The following IQCH variants were observed in gnomAD, a reference collection of about 807,000 sequenced individuals.
The protein encoded by IQCH is IQ motif containing H.
IQCH carries 98 observed loss-of-function variants against 117.0 expected under a neutral mutation model. That is an observed-to-expected ratio of 0.84 (90% CI 0.71 to 0.99). The LOEUF (loss-of-function observed/expected upper bound fraction) is 0.99, where lower values mean the gene tolerates loss of function less well. IQCH is among the 50% of genes least tolerant of loss of function. The probability of loss-of-function intolerance (pLI) is 0.00; values close to 1 mark genes in which losing one functional copy is unlikely to be tolerated. For synonymous variants in IQCH, 412 were observed against 448.2 expected, an observed-to-expected ratio of 0.92 and a Z score of 1.02; for missense variants, 1,102 against 1,243.8, an observed-to-expected ratio of 0.89 and a Z score of 1.72.
chr15:67,415,884 A>C (rs1207831400), intron 14 of IQCH, among the ~76,000 whole-genome samples: 6 of 152,150 alleles, frequency 3.9e-5, no homozygotes, highest in Admixed American at 2.0e-4. Flanking sequence ...GAATAAAATC[A>C]AATCTAAAAA....
rs1366727098 is a variant in IQCH, at chr15:67,389,777, GTCTC to G, written c.1632+775_1632+778del. Among the ~76,000 whole-genome samples, 14 of 150,978 alleles carry G rather than the reference GTCTC, an allele frequency of 9.3e-5. No homozygotes were observed. The East Asian group carries it at 2.7e-3, about 30-fold the overall frequency. ...CAATTGAAATGCACCAAAGTCAACT[GTCTC>G]TCTATCGCCAACGTGATTGCATGCT... On this transcript the variant is annotated intron_variant, in intron 12 of 20. Coordinates refer to ENST00000335894, the MANE Select transcript of IQCH (RefSeq NM_001031715.3).
intron 12 of IQCH, among the ~76,000 whole-genome samples, chr15:67,389,242 G>C (rs1971204043): frequency 6.6e-6 from 1 of 152,130 alleles, no homozygotes; most frequent in Non-Finnish European, 1.5e-5. Flanking sequence ...CCAGTTACTA[G>C]GTGGTACCAT....
At chr15:67,485,073 T>G (rs2083439147) in intron 18 of IQCH, among the ~76,000 whole-genome samples, 1 of 152,162 alleles carries the variant, frequency 6.6e-6, no homozygotes, top group African/African-American at 2.4e-5. Flanking sequence ...AATGGGAACA[T>G]AATTTTAAAG....
intron 18 of IQCH, among the ~76,000 whole-genome samples, chr15:67,484,580 A>G (rs1381175060): frequency 6.6e-6 from 1 of 150,550 alleles, no homozygotes; most frequent in Non-Finnish European, 1.5e-5. Flanking sequence ...AATACAAAAA[A>G]AAAAAAAAAA....
chr15:67,292,007 G>A (rs1291116101), intron 4 of IQCH, among the ~76,000 whole-genome samples: 2 of 152,052 alleles, frequency 1.3e-5, no homozygotes, highest in Admixed American at 6.6e-5. Flanking sequence ...ACATTTTGAC[G>A]TATGGACTTT....
At position 67,395,377 on chromosome 15, in the gene IQCH, C is replaced by T. The variant is rs779851140; in HGVS notation, c.1719C>T (p.Ala573=). Residue 573 remains alanine (A), a synonymous_variant, in exon 13 of 21, where the codon GCC becomes GCT. Transcript: ENST00000335894. This position sits in a 1 kb window ranked among gnomAD's most constrained non-coding sequence, Gnocchi z 4.0. ...AAAATCTCATCCGAGGAACAGAGGC[C>T]TACATCGTCAGCGGGCTCCTCCACA... The part of the protein sequence containing the change: ...RIKNLIRGTE[A]YIVSGLLHRD... The T allele has an allele frequency of 1.8e-5, 29 of 1,614,066 alleles. No individual in the cohort carries two copies. Among genetic ancestry groups the T allele is most frequent in the Middle Eastern group, 1.7e-4 (1 of 6,058 alleles).
intron 4 of IQCH, among the ~76,000 whole-genome samples, chr15:67,288,311 C>T (rs1208631605): frequency 6.6e-6 from 1 of 152,052 alleles, no homozygotes; most frequent in African/African-American, 2.4e-5. Context: ...ATTTTTCTGT[C>T]TGGAAGATCT....
intron 6 of IQCH, among the ~76,000 whole-genome samples, chr15:67,355,451 G>A (rs933003642): frequency 1.3e-5 from 2 of 152,044 alleles, no homozygotes; most frequent in African/African-American, 2.4e-5. Flanking sequence ...TTAGCTGGGC[G>A]TGGTGGTGGG....
intron 8 of IQCH, among the ~76,000 whole-genome samples, chr15:67,362,509 A>C (rs763495238): frequency 1.7e-4 from 26 of 152,182 alleles, no homozygotes; most frequent in Non-Finnish European, 3.4e-4. Flanking sequence ...GTCATTTAGA[A>C]AACTGTAATT....
intron 4 of IQCH, among the ~76,000 whole-genome samples, chr15:67,319,095 C>T (rs533239355): frequency 2.0e-4 from 30 of 152,072 alleles, no homozygotes; most frequent in Admixed American, 6.5e-4. Context: ...GGCGTGGTGG[C>T]GGGTGCCTGT....
intron 4 of IQCH, among the ~76,000 whole-genome samples, chr15:67,316,221 A>T (rs930245475): frequency 6.6e-6 from 1 of 152,146 alleles, no homozygotes; most frequent in African/African-American, 2.4e-5. Flanking sequence ...CTTATAGAAG[A>T]TTATCAGGAG....
Position 67,494,077 on chromosome 15 carries a change from CT to C in IQCH, c.2862-176del, listed in dbSNP as rs1379082802. On this transcript the variant is annotated intron_variant, in intron 19 of 20. Transcript: ENST00000335894. This position sits in a 1 kb window ranked among gnomAD's most constrained non-coding sequence, Gnocchi z 5.5. ...ATAAAAAATATTTATTACGCAAATC[CT>C]TTTTGTTGACAAGTTAAAATGGAGT... is the stretch of plus-strand genomic sequence containing the variant. Among the ~76,000 whole-genome samples, 1 of 152,132 alleles carries C rather than the reference CT, an allele frequency of 6.6e-6. No individual in the cohort carries two copies. Among genetic ancestry groups the C allele is most frequent in the Non-Finnish European group, 1.5e-5 (1 of 68,018 alleles).
rs1968934261 is a variant in IQCH at position 67,337,202 on chromosome 15, T to G, written c.508+107T>G. The stretch of plus-strand genomic sequence containing the variant: ...ACTCTGGCTCAGCCACTAATTCTCC[T>G]GGGTGGCCTCAGACAAGTCAGGTCC... On this transcript the variant is annotated intron_variant, in intron 5 of 20. Coordinates refer to ENST00000335894, the MANE Select transcript of IQCH (RefSeq NM_001031715.3). 6.9e-6 allele frequency: 9 copies of G among 1,307,394 alleles called. No homozygotes were observed. In the South Asian group the frequency reaches 1.1e-4, roughly 16 times the overall value. 81.0% of individuals were successfully genotyped at this position (1,307,394 alleles called of 1,614,324 possible). A position where few individuals can be genotyped will look rare whatever the true frequency, so the allele number is the denominator to read the frequency against.
chr15:67,266,644 G>A (rs1965686230), intron 3 of IQCH, among the ~76,000 whole-genome samples: 2 of 152,090 alleles, frequency 1.3e-5, no homozygotes. Context: ...GCGACAGAGC[G>A]AGACTCCGTC....
chr15:67,325,805 T>G (rs1355158184), intron 4 of IQCH, among the ~76,000 whole-genome samples: 7 of 152,186 alleles, frequency 4.6e-5, no homozygotes, highest in Non-Finnish European at 8.8e-5. Context: ...GATGCTTTAT[T>G]ACAGAATGTC....
At chr15:67,460,357 C>A (rs1407473931) in intron 16 of IQCH, among the ~76,000 whole-genome samples, 1 of 152,192 alleles carries the variant, frequency 6.6e-6, no homozygotes, top group African/African-American at 2.4e-5. Flanking sequence ...GTCTTTTCTA[C>A]ATATATTAGT....
At position 67,356,010 on chromosome 15, in the gene IQCH, T is replaced by A. The variant is rs1282846192; in HGVS notation, c.638-1335T>A. 2.0e-5 allele frequency among the ~76,000 whole-genome samples: 3 copies of A among 152,196 alleles called. No homozygotes were observed. The East Asian group carries it at 5.8e-4, about 29-fold the overall frequency. On this transcript the variant is annotated intron_variant, in intron 6 of 20. Transcript: ENST00000335894. The surrounding 1 kb of genome is among the most constrained non-coding windows in gnomAD (Gnocchi z 5.3). ...CTGCTATTTTGTTTGAACATGGGAA[T>A]TTAGCCATAAATCTCACTTTTCTGC...
At chr15:67,495,579 C>T (rs1362877073) in intron 20 of IQCH, among the ~76,000 whole-genome samples, 1 of 152,210 alleles carries the variant, frequency 6.6e-6, no homozygotes, top group African/African-American at 2.4e-5. Flanking sequence ...TTGAGCCTCT[C>T]TGCATTTCAT....
chr15:67,363,381 G>T (rs973161303), intron 8 of IQCH, among the ~76,000 whole-genome samples: 1 of 151,420 alleles, frequency 6.6e-6, no homozygotes, highest in Non-Finnish European at 1.5e-5. Flanking sequence ...GACTAGAGGC[G>T]TGCACCACCA....
Sources: allele counts gnomAD v4.1 joint callset (sites outside exome capture counted in the v4.1 genomes callset), GRCh38; gene constraint gnomAD v4.1.1; non-coding constraint Gnocchi (gnomAD v3.1); transcripts MANE v1.5; gene names NCBI Gene and HGNC (gene_info 2026-07-23, HGNC 2026-07-21).